Variants in SLC14A2 observed in about 807,000 individuals in gnomAD.
SLC14A2 encodes the protein solute carrier family 14 member 2.
In SLC14A2, 91 loss-of-function variants were observed where a neutral mutation model predicts 104.6. That is an observed-to-expected ratio of 0.87 (90% CI 0.73 to 1.04). The LOEUF (loss-of-function observed/expected upper bound fraction) is 1.04. Ranked by LOEUF, SLC14A2 falls within the 50% of genes least tolerant of loss-of-function variation. The pLI, the probability that SLC14A2 is intolerant of heterozygous loss-of-function variation, is 0.00. For synonymous variants in SLC14A2, 476 were observed against 466.4 expected (o/e 1.02, Z -0.27); for missense variants, 1,189 against 1,156.0 (o/e 1.03, Z -0.41).
chr18:45,453,245 G>A (rs1343800296), intron 1 of SLC14A2, among the ~76,000 whole-genome samples: 3 of 152,110 alleles, frequency 2.0e-5, no homozygotes, highest in Non-Finnish European at 2.9e-5. Flanking sequence ...CTTCCCTAGG[G>A]ATGAATGGCA....
chr18:45,679,370 T>C (rs972289834), intron 19 of SLC14A2, among the ~76,000 whole-genome samples: 2 of 152,258 alleles, frequency 1.3e-5, no homozygotes, highest in African/African-American at 2.4e-5. Context: ...AGCTAGCTTG[T>C]GAGCCAGCAT....
chr18:45,536,130 T>TTC (rs576433967), intron 2 of SLC14A2, among the ~76,000 whole-genome samples: 97 of 152,322 alleles, frequency 6.4e-4, no homozygotes, highest in Middle Eastern at 3.4e-3. Context: ...AGGTATTGTA[T>TTC]TGCCTATGTG....
chr18:45,619,979 G>C (rs2045137859), intron 1 of SLC14A2, among the ~76,000 whole-genome samples: 1 of 152,246 alleles, frequency 6.6e-6, no homozygotes, highest in Admixed American at 6.5e-5. Context: ...TGGCAGAGCA[G>C]GGAGGCAGGA....
chr18:45,454,988 C>T (rs571272541), intron 1 of SLC14A2, among the ~76,000 whole-genome samples: 11 of 152,234 alleles, frequency 7.2e-5, no homozygotes, highest in African/African-American at 2.6e-4. Context: ...GCAGTGCAGG[C>T]TCTTTTTTGG....
At chr18:45,582,520 G>A (rs1032496500) in intron 2 of SLC14A2, among the ~76,000 whole-genome samples, 7 of 152,046 alleles carry the variant, frequency 4.6e-5, no homozygotes, top group Admixed American at 4.6e-4. Context: ...TATTTTATGA[G>A]AAATACCCCC....
chr18:45,255,234 C>A (rs1011902165), intron 1 of SLC14A2, among the ~76,000 whole-genome samples: 2 of 152,146 alleles, frequency 1.3e-5, no homozygotes, highest in African/African-American at 2.4e-5. Flanking sequence ...TGCTGTAGCA[C>A]CCTGCTGTTT....
chr18:45,289,931 A>G (rs975618739), intron 1 of SLC14A2, among the ~76,000 whole-genome samples: 7 of 152,184 alleles, frequency 4.6e-5, no homozygotes, highest in African/African-American at 1.7e-4. Context: ...AAAGAGAAAT[A>G]TAGTACCTGG....
At chr18:45,232,591 T>A (rs1339334319) in intron 1 of SLC14A2, among the ~76,000 whole-genome samples, 1 of 152,216 alleles carries the variant, frequency 6.6e-6, no homozygotes, top group African/African-American at 2.4e-5. Context: ...GTTCCAACTT[T>A]GAAGATTCAT....
At chr18:45,216,247 A>T (rs1568104984) in intron 1 of SLC14A2, among the ~76,000 whole-genome samples, 1 of 152,286 alleles carries the variant, frequency 6.6e-6, no homozygotes, top group Non-Finnish European at 1.5e-5. Context: ...AGTGAATTTC[A>T]AGTATAAATG....
chr18:45,297,485 A>G (rs893067976), intron 1 of SLC14A2, among the ~76,000 whole-genome samples: 1 of 152,220 alleles, frequency 6.6e-6, no homozygotes, highest in Non-Finnish European at 1.5e-5. Context: ...AGTGGGTAGC[A>G]TGTCAGCCTG....
chr18:45,571,859 G>T (rs957319406), intron 2 of SLC14A2, among the ~76,000 whole-genome samples: 5 of 150,476 alleles, frequency 3.3e-5, no homozygotes, highest in Non-Finnish European at 6.0e-5. Flanking sequence ...TATAATATGG[G>T]TTGATTGATA....
chr18:45,188,987 T>C, the SLC14A2 span, among the ~76,000 whole-genome samples: 2 of 152,212 alleles, frequency 1.3e-5, no homozygotes, highest in African/African-American at 2.4e-5. Context: ...CGAATATTTT[T>C]TGAGCTCTGT....
At chr18:45,394,253 T>C (rs73433814) in intron 1 of SLC14A2, among the ~76,000 whole-genome samples, 205 of 152,304 alleles carry the variant, frequency 1.3e-3, no homozygotes, top group African/African-American at 4.6e-3. Context: ...AGCAGTCACT[T>C]TGAATTGTCA....
chr18:45,305,199 G>A (rs1199380926), intron 1 of SLC14A2, among the ~76,000 whole-genome samples: 6 of 152,194 alleles, frequency 3.9e-5, no homozygotes, highest in African/African-American at 1.2e-4. Flanking sequence ...CTGCTTGTTT[G>A]GGAGACAGGA....
chr18:45,419,148 G>A (rs1453032500), intron 1 of SLC14A2, among the ~76,000 whole-genome samples: 3 of 152,180 alleles, frequency 2.0e-5, no homozygotes, highest in African/African-American at 4.8e-5. Flanking sequence ...GCTGCTATTA[G>A]GCCTGCTATT....
chr18:45,459,467 A>G (rs758854101), intron 1 of SLC14A2, among the ~76,000 whole-genome samples: 3 of 152,222 alleles, frequency 2.0e-5, no homozygotes, highest in Admixed American at 6.5e-5. Flanking sequence ...CTGTGATGTC[A>G]TACAAACGTC....
intron 1 of SLC14A2, among the ~76,000 whole-genome samples, chr18:45,237,959 C>T (rs2084272846): frequency 6.6e-6 from 1 of 152,150 alleles, no homozygotes; most frequent in African/African-American, 2.4e-5. Flanking sequence ...GATGAAATAG[C>T]TTCATGCATA....
chr18:45,600,344 T>A (rs1427820791), intron 2 of SLC14A2, among the ~76,000 whole-genome samples: 1 of 151,778 alleles, frequency 6.6e-6, no homozygotes, highest in East Asian at 2.0e-4. Flanking sequence ...TTCAGTGTAC[T>A]CCCAAATGGC....
intron 1 of SLC14A2, among the ~76,000 whole-genome samples, chr18:45,236,636 C>T (rs2084257375): frequency 1.3e-5 from 2 of 150,250 alleles, no homozygotes; most frequent in South Asian, 4.2e-4. Context: ...TGGGTGTATA[C>T]ACACACTTTT....
Sources: allele counts gnomAD v4.1 joint callset (sites outside exome capture counted in the v4.1 genomes callset), GRCh38; gene constraint gnomAD v4.1.1; transcripts MANE v1.5; gene names NCBI Gene and HGNC (gene_info 2026-07-23, HGNC 2026-07-21).